IL2RB: variants seen among roughly 807,000 people sequenced by gnomAD.
IL2RB encodes interleukin 2 receptor subunit beta.
In IL2RB, 17 loss-of-function variants were observed where a neutral mutation model predicts 44.2. The observed-to-expected ratio is 0.38, with a 90% CI of 0.26 to 0.58. The LOEUF is 0.58. Among genes scored for constraint, IL2RB ranks in the 20% least tolerant of loss-of-function variants. The pLI is 0.63. For missense variants in IL2RB, 624 were observed against 685.5 expected (o/e 0.91, Z 1.00); for synonymous variants, 286 against 297.9 (o/e 0.96, Z 0.41).
chr22:37,154,488 G>A (rs1182989377), upstream of IL2RB, among the ~76,000 whole-genome samples: 1 of 152,080 alleles, frequency 6.6e-6, no homozygotes, highest in Non-Finnish European at 1.5e-5. Flanking sequence ...GATGTGGGAG[G>A]AAGTGATTTA....
intron 8 of IL2RB, among the ~76,000 whole-genome samples, chr22:37,134,093 A>G (rs1180311872): frequency 1.3e-5 from 2 of 152,088 alleles, no homozygotes; most frequent in Non-Finnish European, 2.9e-5. Context: ...TGGGTTCTGC[A>G]CTCACGGATT....
intron 4 of IL2RB, among the ~76,000 whole-genome samples, chr22:37,140,020 T>C (rs1181952449): frequency 1.3e-5 from 2 of 152,202 alleles, no homozygotes; most frequent in Non-Finnish European, 2.9e-5. Flanking sequence ...ATCCTGCCAC[T>C]GTGCAGCTGC....
At chr22:37,161,508 G>A (rs1922872305) in intron 1 of IL2RB, among the ~76,000 whole-genome samples, 1 of 152,108 alleles carries the variant, frequency 6.6e-6, no homozygotes, top group South Asian at 2.1e-4. Context: ...CCAATCAGAA[G>A]CCTCCATTCC....
At chr22:37,133,310 G>C (rs1043945465) in intron 8 of IL2RB, among the ~76,000 whole-genome samples, 33 of 152,204 alleles carry the variant, frequency 2.2e-4, no homozygotes, top group African/African-American at 7.0e-4. Context: ...GGAGGGGACG[G>C]GTGGGTGGAG....
rs149508414 is a variant in IL2RB at position 37,142,481 on chromosome 22, C to T, written c.235G>A (p.Val79Met). The change falls in exon 4 of 10, where the codon GTG (valine) becomes ATG (methionine). Residue 79 changes from valine (V) to methionine (M), a missense_variant. Val to Met is a conservative substitution (Grantham distance 21, BLOSUM62 1). Coordinates refer to ENST00000216223, the MANE Select transcript of IL2RB (RefSeq NM_000878.5). ...RWNQTCELLP[V>M]SQASWACNLI... ...TTGCAGGCCCAGGATGCTTGACTCA[C>T]GGGGAGCAGCTCACAGGTTTGGTTC... 3.5e-3 allele frequency: 5,690 copies of T among 1,614,162 alleles called. 21 individuals carry two copies. The highest frequency in any genetic ancestry group is 3.8e-3 in the Non-Finnish European group (4,490 of 1,179,992).
In IL2RB at chr22:37,128,028, C is replaced by T; in HGVS notation, c.*68G>A. The T allele has an allele frequency of 2.9e-6, 4 of 1,357,556 alleles. No individual in the cohort carries two copies. In the South Asian group the frequency reaches 7.0e-5, roughly 24 times the overall value. 84.1% of individuals were successfully genotyped at this position (1,357,556 alleles called of 1,614,324 possible). ...TGTCCTCAGCAGTGGACTGAGGACC[C>T]TCAACAGGGTCCTTCTGAGGCTCGG... On this transcript the variant is annotated 3_prime_UTR_variant, in exon 10 of 10. Coordinates refer to ENST00000216223, the MANE Select transcript of IL2RB (RefSeq NM_000878.5). This position sits in a 1 kb window ranked among gnomAD's most constrained non-coding sequence, Gnocchi z 4.5.
intron 6 of IL2RB, among the ~76,000 whole-genome samples, chr22:37,136,997 T>C (rs143408413): frequency 1.3e-5 from 2 of 152,218 alleles, no homozygotes; most frequent in African/African-American, 2.4e-5. Context: ...CCTTGCCCCG[T>C]TGGGTTTTCT....
intron 8 of IL2RB, 46 bp from the exon 9 acceptor site, chr22:37,132,514 A>T: frequency 1.4e-6 from 2 of 1,467,506 alleles, no homozygotes; most frequent in Non-Finnish European, 1.9e-6. Flanking sequence ...AAAGGGAAGG[A>T]CCGCGGTGTT....
chr22:37,150,130 A>T (rs1464861981), upstream of IL2RB: 1 of 152,110 alleles, frequency 6.6e-6, no homozygotes, highest in Non-Finnish European at 1.4e-5. Context: ...ACACACACAC[A>T]GACACACATT....
intron 1 of IL2RB, among the ~76,000 whole-genome samples, chr22:37,172,759 G>A (rs1923331412): frequency 6.6e-6 from 1 of 152,166 alleles, no homozygotes; most frequent in South Asian, 2.1e-4. Context: ...AGCTAGCATC[G>A]TGATGTCTCT....
chr22:37,153,504 T>C (rs1922570153), upstream of IL2RB, among the ~76,000 whole-genome samples: 1 of 152,220 alleles, frequency 6.6e-6, no homozygotes, highest in Admixed American at 6.5e-5. Flanking sequence ...AAGCATTTAA[T>C]GTGACCACGC....
chr22:37,160,324 C>T (rs2145735919), intron 1 of IL2RB, among the ~76,000 whole-genome samples: 1 of 152,264 alleles, frequency 6.6e-6, no homozygotes, highest in African/African-American at 2.4e-5. Context: ...CCAGGCAGGC[C>T]CAGTGGGTAC....
At position 37,135,367 on chromosome 22, in the gene IL2RB, A is replaced by G; in HGVS notation, c.779T>C (p.Leu260Ser). Residue 260 changes from leucine to serine, a missense_variant, in exon 8 of 10, where the codon TTA (leucine) becomes TCA (serine). Coordinates refer to ENST00000216223, the MANE Select transcript of IL2RB (RefSeq NM_000878.5). ...CCTGCAGTTGATCAGCAAGTACACTAAGATGATGAAGCCAAAAGCCCCGCT... is the reference window on the plus strand; with the variant it reads ...CCTGCAGTTGATCAGCAAGTACACTGAGATGATGAAGCCAAAAGCCCCGCT... ...GLSGAFGFII[L>S]VYLLINCRNT... is the part of the protein sequence containing the mutation. 6.2e-7 allele frequency: 1 copy of G among 1,613,866 alleles called. No individual in the cohort carries two copies. Among genetic ancestry groups the G allele is most frequent in the Non-Finnish European group, 8.5e-7 (1 of 1,179,812 alleles).
intron 1 of IL2RB, among the ~76,000 whole-genome samples, chr22:37,165,771 A>C (rs574097022): frequency 6.6e-6 from 1 of 152,062 alleles, no homozygotes; most frequent in Non-Finnish European, 1.5e-5. Flanking sequence ...AGGCCTACCC[A>C]GGGCAAGTGC....
chr22:37,140,738 A>T (rs896238938), intron 4 of IL2RB, among the ~76,000 whole-genome samples: 1 of 152,156 alleles, frequency 6.6e-6, no homozygotes, highest in Non-Finnish European at 1.5e-5. Context: ...AGGCTTTGAC[A>T]GACAATAATT....
intron 6 of IL2RB, among the ~76,000 whole-genome samples, chr22:37,136,996 G>A (rs535175776): frequency 9.9e-5 from 15 of 152,266 alleles, no homozygotes; most frequent in Middle Eastern, 3.4e-3. Context: ...TCCTTGCCCC[G>A]TTGGGTTTTC....
intron 1 of IL2RB, among the ~76,000 whole-genome samples, chr22:37,165,852 C>T (rs1237227769): frequency 1.3e-5 from 2 of 152,160 alleles, no homozygotes; most frequent in Non-Finnish European, 2.9e-5. Flanking sequence ...TGAAAACATC[C>T]TGAATCCAAC....
upstream of IL2RB, among the ~76,000 whole-genome samples, chr22:37,154,089 CAAGG>C (rs2146257285): frequency 6.6e-6 from 1 of 152,282 alleles, no homozygotes; most frequent in Non-Finnish European, 1.5e-5. Context: ...GGGGTAGGAC[CAAGG>C]GAGGGAGGTA....
chr22:37,164,610 C>A (rs1451365177), intron 1 of IL2RB, among the ~76,000 whole-genome samples: 1 of 152,074 alleles, frequency 6.6e-6, no homozygotes, highest in Non-Finnish European at 1.5e-5. Context: ...ACTGGGCCTT[C>A]TTCCTGTTTC....
Sources: allele counts gnomAD v4.1 joint callset (sites outside exome capture counted in the v4.1 genomes callset), GRCh38; gene constraint gnomAD v4.1.1; non-coding constraint Gnocchi (gnomAD v3.1); transcripts MANE v1.5; gene names NCBI Gene and HGNC (gene_info 2026-07-23, HGNC 2026-07-21).